Variants in TMEM143 observed in about 807,000 individuals in gnomAD.
TMEM143 encodes transmembrane protein 143.
TMEM143 carries 45 observed loss-of-function variants against 40.3 expected under a neutral mutation model. That is an observed-to-expected ratio of 1.12 (90% CI 0.88 to 1.43). The LOEUF (loss-of-function observed/expected upper bound fraction) is 1.43, where lower values mean the gene tolerates loss of function less well. Among genes scored for constraint, TMEM143 ranks in the 40% most tolerant of loss-of-function variants. The pLI is 0.00. For synonymous variants in TMEM143, 299 were observed against 282.7 expected (o/e 1.06, Z -0.58); for missense variants, 620 against 613.4 (o/e 1.01, Z -0.11).
chr19:48,341,792 C>G lies in TMEM143; in HGVS notation c.975+738G>C, dbSNP rs575523621. ...CCAGGAAGTCTGCTTCCAGAACACA[C>G]CCCCTTCACCGCATCACTAAAGCGC... On this transcript the variant is annotated intron_variant, in intron 6 of 7. Coordinates refer to ENST00000293261, the MANE Select transcript of TMEM143 (RefSeq NM_018273.4). Among the ~76,000 whole-genome samples the G allele has an allele frequency of 1.5e-3, 224 of 152,124 alleles. 2 individuals are homozygous for G. The highest frequency in any genetic ancestry group is 5.2e-3 in the African/African-American group (217 of 41,498).
intron 3 of TMEM143, among the ~76,000 whole-genome samples, chr19:48,359,563 G>C (rs569692525): frequency 1.4e-5 from 2 of 138,794 alleles, no homozygotes; most frequent in East Asian, 4.6e-4. Context: ...CTGGAGTGCA[G>C]TGGCGCAATC....
At chr19:48,340,166 G>A (rs796271317) in intron 6 of TMEM143, among the ~76,000 whole-genome samples, 14 of 115,460 alleles carry the variant, frequency 1.2e-4, no homozygotes, top group African/African-American at 3.4e-4. Context: ...TCACTGTGTC[G>A]CCCAGGCTGG....
rs1600903594 is a variant in TMEM143, at chr19:48,342,683, G to A, written c.822C>T (p.Pro274=). 1.9e-6 allele frequency: 3 copies of A among 1,614,156 alleles called. No homozygotes were observed. The highest frequency in any genetic ancestry group is 1.1e-5 in the South Asian group (1 of 91,080). ...QLLPELKVRT[P]TLQRALLNLM... ...GGTTGAGCAGGGCGCGCTGCAGGGT[G>A]GGCGTGCGCACCTTCAGCTCCGGCA... Residue 274 remains proline (P), a synonymous_variant, in exon 6 of 8, where the codon CCC becomes CCT. Transcript: ENST00000293261.
rs1569021183 is a variant in TMEM143 at position 48,333,472 on chromosome 19, G to A, written c.1166-39C>T. ...GGCAGGTGTTCTGAGGTCACACTGA[G>A]ATCGGGGAAGATTCGAGGGAGCAGC... is the stretch of plus-strand genomic sequence containing the variant. On this transcript the variant is annotated intron_variant, in intron 7 of 7. Transcript: ENST00000293261. The surrounding 1 kb of genome is among the most constrained non-coding windows in gnomAD (Gnocchi z 4.1). 7.1e-7 allele frequency: 1 copy of A among 1,404,978 alleles called. No homozygotes were observed. The highest frequency in any genetic ancestry group is 9.8e-7 in the Non-Finnish European group (1 of 1,018,340). The allele number at this position is 1,404,978 out of a possible 1,614,324, so 87.0% of individuals were successfully genotyped here.
Position 48,342,509 on chromosome 19 carries a change from G to A in TMEM143, c.975+21C>T, listed in dbSNP as rs1378126428. ...TCCCCACAGCGCAGGGCCGCAGGAG[G>A]CGTGGCAGGCGCATGCTCACCTTGG... On this transcript the variant is annotated intron_variant, in intron 6 of 7. Coordinates refer to ENST00000293261, the MANE Select transcript of TMEM143 (RefSeq NM_018273.4). The A allele has an allele frequency of 4.4e-6, 7 of 1,585,974 alleles. No homozygotes were observed. In the East Asian group the frequency reaches 1.6e-4, roughly 37 times the overall value.
At chr19:48,343,056 G>A (rs1969541244) in intron 5 of TMEM143, 2 of 674,006 alleles carry the variant, frequency 3.0e-6, no homozygotes, top group Non-Finnish European at 2.4e-6. Context: ...CGCATCTTCA[G>A]AATGTGGACC....
Position 48,333,124 on chromosome 19 carries a change from G to C in TMEM143, c.*95C>G. On this transcript the variant is annotated 3_prime_UTR_variant, in exon 8 of 8. Transcript: ENST00000293261. The surrounding 1 kb of genome is among the most constrained non-coding windows in gnomAD (Gnocchi z 4.1). ...ATCACCTGTCAGTTATTGGAAGTTGGAGTGAAAAGTATAATAACCGTAATT... is the reference window on the plus strand; with the variant it reads ...ATCACCTGTCAGTTATTGGAAGTTGCAGTGAAAAGTATAATAACCGTAATT... 5 of 970,264 alleles carry C rather than the reference G, an allele frequency of 5.2e-6. No individual in the cohort carries two copies. The highest frequency in any genetic ancestry group is 7.1e-6 in the Non-Finnish European group (5 of 706,000). 60.1% of individuals were successfully genotyped at this position (970,264 alleles called of 1,614,324 possible).
intron 6 of TMEM143, among the ~76,000 whole-genome samples, chr19:48,340,874 G>A (rs150329423): frequency 6.6e-6 from 1 of 152,102 alleles, no homozygotes; most frequent in South Asian, 2.1e-4. Context: ...CATGAGATAC[G>A]CCAGGCTGAG....
At chr19:48,353,510 A>T (rs764593479) in intron 3 of TMEM143, among the ~76,000 whole-genome samples, 10 of 151,798 alleles carry the variant, frequency 6.6e-5, no homozygotes, top group Admixed American at 5.9e-4. Flanking sequence ...TTTTAGTTTA[A>T]CTACATCCCA....
chr19:48,363,289 A>G lies in TMEM143; in HGVS notation c.264+2T>C. ...GGCTCTTGGGCCTGGGACAGGCGGT[A>G]CCTGTATTAGGAGGCGGAGCAGCTG... On this transcript the variant is annotated splice_donor_variant, in intron 2 of 7. Transcript: ENST00000293261. LOFTEE classifies it high-confidence loss of function. The G allele has an allele frequency of 6.2e-7, 1 of 1,612,742 alleles. No individual in the cohort carries two copies.
chr19:48,360,122 C>T lies in TMEM143; in HGVS notation c.319G>A (p.Val107Met), dbSNP rs370742577. The change falls in exon 3 of 8, where the codon GTG becomes ATG. Residue 107 changes from valine to methionine, a missense_variant. Transcript: ENST00000293261. The part of the protein sequence containing the change: ...KAALEAFSAH[V>M]DFCTLFHYHQ... Reference sequence around the variant, plus strand: ...TAGTGGAACAGGGTGCAGAAGTCCACGTGGGCCGAGAACGCCTCCAAAGCC... The same window carrying T: ...TAGTGGAACAGGGTGCAGAAGTCCATGTGGGCCGAGAACGCCTCCAAAGCC... 28 of 1,613,970 alleles carry T rather than the reference C, an allele frequency of 1.7e-5. No individual in the cohort carries two copies. In the East Asian group the frequency reaches 2.5e-4, roughly 14 times the overall value.
chr19:48,359,456 G>C (rs1969982025), intron 3 of TMEM143, among the ~76,000 whole-genome samples: 1 of 150,856 alleles, frequency 6.6e-6, no homozygotes, highest in Non-Finnish European at 1.5e-5. Flanking sequence ...ACCTCCTTGG[G>C]GAGCCCTTCC....
rs1877585897 is a variant in TMEM143 at position 48,333,612 on chromosome 19, A to C, written c.1166-179T>G. On this transcript the variant is annotated intron_variant, in intron 7 of 7. Coordinates refer to ENST00000293261, the MANE Select transcript of TMEM143 (RefSeq NM_018273.4). The surrounding 1 kb of genome is among the most constrained non-coding windows in gnomAD (Gnocchi z 4.1). ...GCCCAGGAGGGTCGAGAGGGCCAGA[A>C]GGCCCAGCTCTGGGGCTTTCGTCTG... 6.6e-6 allele frequency among the ~76,000 whole-genome samples: 1 copy of C among 152,154 alleles called. No individual in the cohort carries two copies. Among genetic ancestry groups the C allele is most frequent in the African/African-American group, 2.4e-5 (1 of 41,446 alleles).
At chr19:48,343,653 C>T (rs940502955) in intron 4 of TMEM143, among the ~76,000 whole-genome samples, 7 of 152,182 alleles carry the variant, frequency 4.6e-5, no homozygotes, top group East Asian at 1.9e-4. Context: ...GTGCCATTCA[C>T]GTAGAAGTCA....
Position 48,332,946 on chromosome 19 carries a change from T to G in TMEM143, c.*273A>C. On this transcript the variant is annotated 3_prime_UTR_variant, in exon 8 of 8. Transcript: ENST00000293261. The stretch of plus-strand genomic sequence containing the variant: ...CTCAGCTCCTCAGCCAAACCACACT[T>G]GGATGTTTATGGTGAGGGTGGGACT... 1 of 294,708 alleles carries G rather than the reference T, an allele frequency of 3.4e-6. No individual in the cohort carries two copies. 18.3% of individuals were successfully genotyped at this position (294,708 alleles called of 1,614,324 possible).
chr19:48,343,364 C>A lies in TMEM143; in HGVS notation c.652G>T (p.Gly218Cys). The change falls in exon 5 of 8, where the codon GGC (glycine) becomes TGC (cysteine). Residue 218 changes from glycine to cysteine, a missense_variant. By Grantham distance (159) the Gly-to-Cys change is radical (BLOSUM62 -3). Transcript: ENST00000293261. ...TTGGTGAAGAAGCCACGCCTGGAGC[C>A]CACGCTGGACTTCAGGGGCATCTGC... ...VGQMPLKSSV[G>C]SRRGFFTKLP... 6.2e-7 allele frequency: 1 copy of A among 1,609,526 alleles called. No individual in the cohort carries two copies. Among genetic ancestry groups the A allele is most frequent in the Non-Finnish European group, 8.5e-7 (1 of 1,178,384 alleles).
chr19:48,343,131 C>T (rs1325878748), intron 5 of TMEM143, 190 bp downstream of exon 5: 3 of 792,336 alleles, frequency 3.8e-6, no homozygotes, highest in Admixed American at 3.0e-5. Context: ...CCTTTCTCTT[C>T]CCCTGGGAAT....
At chr19:48,354,269 T>C (rs1024470224) in intron 3 of TMEM143, among the ~76,000 whole-genome samples, 18 of 145,702 alleles carry the variant, frequency 1.2e-4, no homozygotes, top group African/African-American at 2.8e-4. Flanking sequence ...TTTTTCTTTT[T>C]TTTTTTTTTT....
intron 6 of TMEM143, among the ~76,000 whole-genome samples, chr19:48,339,771 G>C (rs952996639): frequency 1.3e-5 from 2 of 152,140 alleles, no homozygotes; most frequent in East Asian, 1.9e-4. Flanking sequence ...CTCTGTCACC[G>C]AGGCTGGAAT....
Sources: allele counts gnomAD v4.1 joint callset (sites outside exome capture counted in the v4.1 genomes callset), GRCh38; gene constraint gnomAD v4.1.1; non-coding constraint Gnocchi (gnomAD v3.1); transcripts MANE v1.5; gene names NCBI Gene and HGNC (gene_info 2026-07-23, HGNC 2026-07-21).